Variants in BMPR1A observed in about 807,000 individuals in gnomAD.
BMPR1A encodes the protein bone morphogenetic protein receptor type-1A.
BMPR1A carries 7 observed loss-of-function variants against 66.0 expected under a neutral mutation model. That is an observed-to-expected ratio of 0.11 (90% CI 0.06 to 0.20). BMPR1A has a LOEUF of 0.20. BMPR1A is among the 10% of genes least tolerant of loss of function. BMPR1A has a pLI of 1.00. For missense variants in BMPR1A, 408 were observed against 669.1 expected (o/e 0.61, Z 4.31); for synonymous variants, 200 against 229.7 (o/e 0.87, Z 1.17).
At chr10:86,794,784 G>GTCT (rs1841680224) in intron 1 of BMPR1A, among the ~76,000 whole-genome samples, 3 of 151,328 alleles carry the variant, frequency 2.0e-5, no homozygotes, top group African/African-American at 7.3e-5. Context: ...GATTCGTATA[G>GTCT]TCACTAGGAT....
chr10:86,921,937 A>AT (rs1228506031), intron 11 of BMPR1A, among the ~76,000 whole-genome samples: 1 of 152,140 alleles, frequency 6.6e-6, no homozygotes, highest in African/African-American at 2.4e-5. Context: ...TCCTTGAGTT[A>AT]TTTTTAAGTG....
chr10:86,829,034 T>C (rs1419528707), intron 1 of BMPR1A, among the ~76,000 whole-genome samples: 1 of 152,074 alleles, frequency 6.6e-6, no homozygotes, highest in Non-Finnish European at 1.5e-5. Context: ...CCCTCGGAAT[T>C]GCCACACCTT....
intron 7 of BMPR1A, among the ~76,000 whole-genome samples, chr10:86,911,320 G>A (rs1358340981): frequency 6.6e-6 from 1 of 152,134 alleles, no homozygotes; most frequent in Admixed American, 6.5e-5. Context: ...AGAGAATGCT[G>A]TGATAATCAT....
intron 8 of BMPR1A, among the ~76,000 whole-genome samples, chr10:86,914,055 T>C (rs1303113768): frequency 1.3e-5 from 2 of 151,986 alleles, no homozygotes; most frequent in African/African-American, 2.4e-5. Flanking sequence ...GATAGATGTA[T>C]TGATGAATGG....
intron 5 of BMPR1A, among the ~76,000 whole-genome samples, chr10:86,897,077 T>C (rs1462894542): frequency 6.6e-6 from 1 of 152,198 alleles, no homozygotes; most frequent in Non-Finnish European, 1.5e-5. Flanking sequence ...TTATTCTGTT[T>C]CCTCCTATAG....
At chr10:86,913,510 A>G (rs554299105) in intron 8 of BMPR1A, among the ~76,000 whole-genome samples, 1 of 152,282 alleles carries the variant, frequency 6.6e-6, no homozygotes, top group African/African-American at 2.4e-5. Flanking sequence ...TCATAGGCAG[A>G]CAACATGATT....
chr10:86,855,085 T>A, intron 2 of BMPR1A: 1 of 256,050 alleles, frequency 3.9e-6, no homozygotes, highest in East Asian at 6.7e-5. Context: ...GGCACCTGCC[T>A]CCACGCCCAG....
At chr10:86,786,133 G>T (rs1841511863) in intron 1 of BMPR1A, among the ~76,000 whole-genome samples, 1 of 152,138 alleles carries the variant, frequency 6.6e-6, no homozygotes, top group South Asian at 2.1e-4. Flanking sequence ...ATTACGGAAT[G>T]AACTGACCAT....
chr10:86,798,224 C>G (rs775611745), intron 1 of BMPR1A, among the ~76,000 whole-genome samples: 14 of 152,004 alleles, frequency 9.2e-5, no homozygotes, highest in Admixed American at 5.2e-4. Flanking sequence ...GCTTTTGTAG[C>G]TTACTACCGT....
intron 1 of BMPR1A, among the ~76,000 whole-genome samples, chr10:86,803,601 T>A (rs1292844466): frequency 1.3e-5 from 2 of 152,226 alleles, no homozygotes; most frequent in Non-Finnish European, 2.9e-5. Flanking sequence ...TTCACCACTC[T>A]TTATTGATTT....
chr10:86,852,031 C>T (rs1842574425), intron 2 of BMPR1A, among the ~76,000 whole-genome samples: 1 of 151,678 alleles, frequency 6.6e-6, no homozygotes, highest in African/African-American at 2.4e-5. Context: ...CTGCAGTGAG[C>T]AGTGATCACA....
intron 1 of BMPR1A, among the ~76,000 whole-genome samples, chr10:86,806,190 A>T (rs1049010945): frequency 1.3e-5 from 2 of 152,112 alleles, no homozygotes; most frequent in Non-Finnish European, 2.9e-5. Context: ...GAAGCATACT[A>T]TGTCTGTCCT....
intron 1 of BMPR1A, among the ~76,000 whole-genome samples, chr10:86,793,693 A>G (rs1368207025): frequency 1.3e-5 from 2 of 152,052 alleles, no homozygotes; most frequent in Non-Finnish European, 2.9e-5. Flanking sequence ...TCAATTATGT[A>G]GTGTAGTTGG....
Position 86,892,243 on chromosome 10 carries a change from T to A in BMPR1A, c.333+14T>A. 1 of 1,603,204 alleles carries A rather than the reference T, an allele frequency of 6.2e-7. No homozygotes were observed. Among genetic ancestry groups the A allele is most frequent in the East Asian group, 2.2e-5 (1 of 44,790 alleles). ...TTTCAGTGCAAAGTAAGATATAATT[T>A]GGGACCCATGAGACAAAGAAGGGAG... On this transcript the variant is annotated intron_variant, in intron 5 of 12. Coordinates refer to ENST00000372037, the MANE Select transcript of BMPR1A (RefSeq NM_004329.3).
chr10:86,889,935 C>CT lies in BMPR1A; in HGVS notation c.68-126dup, dbSNP rs1388062389. ...TGTTGTATGAATGAAATTTATATTT[C>CT]TAAAGAAACATGCTAGCTACAATTA... On this transcript the variant is annotated intron_variant, in intron 3 of 12. Transcript: ENST00000372037. 6 of 1,019,024 alleles carry CT rather than the reference C, an allele frequency of 5.9e-6. No homozygotes were observed. The Admixed American group carries it at 1.4e-4, about 23-fold the overall frequency. The allele number at this position is 1,019,024 out of a possible 1,614,324, so 63.1% of individuals were successfully genotyped here. A position where few individuals can be genotyped will look rare whatever the true frequency, so the allele number is the denominator to read the frequency against.
At chr10:86,776,230 A>G (rs1307064607) in intron 1 of BMPR1A, among the ~76,000 whole-genome samples, 1 of 152,230 alleles carries the variant, frequency 6.6e-6, no homozygotes. Flanking sequence ...TCCAGGGGTG[A>G]GTATAACAAC....
chr10:86,855,287 C>A (rs572967268), intron 2 of BMPR1A: 6 of 1,069,304 alleles, frequency 5.6e-6, no homozygotes, highest in Middle Eastern at 2.2e-4. Context: ...TCAGTTTCTT[C>A]TGTCTTCCAC....
At chr10:86,879,989 G>A (rs1019422095) in intron 3 of BMPR1A, among the ~76,000 whole-genome samples, 5 of 152,186 alleles carry the variant, frequency 3.3e-5, no homozygotes, top group African/African-American at 1.2e-4. Flanking sequence ...TAGTGTTTCT[G>A]TCTTCATGGT....
chr10:86,925,332 T>A lies in BMPR1A; in HGVS notation c.*1613T>A, dbSNP rs1024933895. 4.5e-6 allele frequency: 1 copy of A among 221,286 alleles called. No homozygotes were observed. Among genetic ancestry groups the A allele is most frequent in the Non-Finnish European group, 9.0e-6 (1 of 110,800 alleles). The allele number at this position is 221,286 out of a possible 1,614,324, so 13.7% of individuals were successfully genotyped here. ...ATAACATAAAATAAATGTGATTATA[T>A]CACATCATCATCAAAAAGGTTTAAA... On this transcript the variant is annotated 3_prime_UTR_variant, in exon 13 of 13. Transcript: ENST00000372037.
Sources: allele counts gnomAD v4.1 joint callset (sites outside exome capture counted in the v4.1 genomes callset), GRCh38; gene constraint gnomAD v4.1.1; transcripts MANE v1.5; gene names NCBI Gene and HGNC (gene_info 2026-07-23, HGNC 2026-07-21).